Variants in CADPS2 observed in about 807,000 individuals in gnomAD.
CADPS2 encodes calcium-dependent secretion activator 2.
Under a neutral mutation model 172.5 loss-of-function variants are expected in CADPS2, and 93 were observed. The observed-to-expected ratio is 0.54, with a 90% CI of 0.46 to 0.64. The LOEUF (loss-of-function observed/expected upper bound fraction) is 0.64, where lower values mean the gene tolerates loss of function less well. Ranked by LOEUF, CADPS2 falls within the 30% of genes least tolerant of loss-of-function variation. The probability of loss-of-function intolerance (pLI) is 0.00; values close to 1 mark genes in which losing one functional copy is unlikely to be tolerated. For synonymous variants in CADPS2, 546 were observed against 555.2 expected (o/e 0.98, Z 0.23); for missense variants, 1,420 against 1,565.9 (o/e 0.91, Z 1.57).
rs372366344 is a variant in CADPS2, at chr7:122,386,712, A to G, written c.3312+314T>C. On this transcript the variant is annotated intron_variant, in intron 24 of 29. Coordinates refer to ENST00000449022, the MANE Select transcript of CADPS2 (RefSeq NM_017954.11). ...GGATACTCTAGATTTGTATAAACAA[A>G]ACAGGTAGCTTTCCAGCTTTCTCAT... 9.5e-4 allele frequency among the ~76,000 whole-genome samples: 144 copies of G among 152,206 alleles called. 2 individuals carry two copies. Among genetic ancestry groups the G allele is most frequent in the African/African-American group, 3.3e-3 (137 of 41,546 alleles).
chr7:122,695,814 T>C (rs1015194775), intron 2 of CADPS2, among the ~76,000 whole-genome samples: 1 of 152,080 alleles, frequency 6.6e-6, no homozygotes, highest in African/African-American at 2.4e-5. Context: ...AGGTCTTAGA[T>C]TGACAATGAT....
chr7:122,714,055 T>C lies in CADPS2; in HGVS notation c.453+22900A>G, dbSNP rs566178245. ...AGAAGAACATTCATGTCACCAATGA[T>C]TCAAATTTAGTTTGAGATTTAGGGA... On this transcript the variant is annotated intron_variant, in intron 2 of 29. Transcript: ENST00000449022. 2.0e-5 allele frequency among the ~76,000 whole-genome samples: 3 copies of C among 152,238 alleles called. No individual in the cohort carries two copies. The East Asian group carries it at 5.8e-4, about 29-fold the overall frequency.
intron 25 of CADPS2, chr7:122,366,720 C>CGTAT (rs2040960235): frequency 7.0e-6 from 1 of 143,838 alleles, no homozygotes; most frequent in Non-Finnish European, 1.6e-5. Flanking sequence ...TATATATACA[C>CGTAT]ACATATATGT....
At chr7:122,733,603 A>G (rs1179530175) in intron 2 of CADPS2, among the ~76,000 whole-genome samples, 1 of 152,004 alleles carries the variant, frequency 6.6e-6, no homozygotes, top group Non-Finnish European at 1.5e-5. Flanking sequence ...TTTGCTGACT[A>G]GAAGTCACAA....
intron 20 of CADPS2, among the ~76,000 whole-genome samples, chr7:122,400,296 G>T (rs980280669): frequency 1.3e-5 from 2 of 151,812 alleles, no homozygotes; most frequent in South Asian, 2.1e-4. Context: ...AATTAGCTGG[G>T]TGTGGTGGTG....
intron 1 of CADPS2, among the ~76,000 whole-genome samples, chr7:122,817,442 G>A (rs542652603): frequency 6.6e-6 from 1 of 152,074 alleles, no homozygotes; most frequent in Admixed American, 6.5e-5. Flanking sequence ...TTCATTTTCT[G>A]GGAGAGACAA....
chr7:122,679,265 T>TTGGGGGG (rs2082723704), intron 2 of CADPS2, among the ~76,000 whole-genome samples: 1 of 39,146 alleles, frequency 2.6e-5, no homozygotes, highest in Non-Finnish European at 6.0e-5. Flanking sequence ...AATGCATTCC[T>TTGGGGGG]GGGGGGGGGG....
At chr7:122,440,461 T>C (rs796250144) in intron 16 of CADPS2, 1 of 152,148 alleles carries the variant, frequency 6.6e-6, no homozygotes, top group South Asian at 2.1e-4. Flanking sequence ...AAAATTCTAA[T>C]AAAACATAAT....
At chr7:122,389,901 A>G (rs918415324) in intron 22 of CADPS2, among the ~76,000 whole-genome samples, 3 of 152,218 alleles carry the variant, frequency 2.0e-5, no homozygotes, top group African/African-American at 7.2e-5. Context: ...GTAAAATTAA[A>G]AAAAAATAAA....
chr7:122,850,011 A>T, intron 1 of CADPS2: 1 of 870,528 alleles, frequency 1.1e-6, no homozygotes, highest in East Asian at 3.3e-5. Context: ...TAGGCTGGGG[A>T]AGGAACAGAA....
rs750266787 is a variant in CADPS2 at position 122,575,453 on chromosome 7, T to C, written c.1335+5726A>G. On this transcript the variant is annotated intron_variant, in intron 7 of 29. Coordinates refer to ENST00000449022, the MANE Select transcript of CADPS2 (RefSeq NM_017954.11). ...TTTCTCTTCTTTTCCTTTTTTTTTT[T>C]TGAAATGGAGTCTAATTCTGTCACC... Among the ~76,000 whole-genome samples the C allele has an allele frequency of 2.0e-5, 3 of 152,026 alleles. No homozygotes were observed. The Middle Eastern group carries it at 0.01, about 517-fold the overall frequency.
rs185335374 is a variant in CADPS2, at chr7:122,818,745, A to C, written c.339+67254T>G. The stretch of plus-strand genomic sequence containing the variant: ...CCCTCCCCATCCTGCCCAGCAATTT[A>C]CTCTTAAAAAGGTGGCTGGAGCTAA... On this transcript the variant is annotated intron_variant, in intron 1 of 29. Transcript: ENST00000449022. Among the ~76,000 whole-genome samples the C allele has an allele frequency of 1.2e-3, 189 of 151,888 alleles. 6 individuals carry two copies. In the East Asian group the frequency reaches 0.026, roughly 21 times the overall value.
At chr7:122,721,495 G>C (rs1051651530) in intron 2 of CADPS2, among the ~76,000 whole-genome samples, 1 of 152,128 alleles carries the variant, frequency 6.6e-6, no homozygotes, top group African/African-American at 2.4e-5. Context: ...GCAGGAAGAA[G>C]TTGAATCTCT....
intron 2 of CADPS2, among the ~76,000 whole-genome samples, chr7:122,692,709 C>A (rs1001763629): frequency 6.6e-6 from 1 of 152,236 alleles, no homozygotes; most frequent in African/African-American, 2.4e-5. Context: ...CAGGGTCCAG[C>A]CCCTGCTGAG....
chr7:122,622,685 T>C (rs929465041), intron 4 of CADPS2, among the ~76,000 whole-genome samples: 1 of 152,114 alleles, frequency 6.6e-6, no homozygotes, highest in African/African-American at 2.4e-5. Flanking sequence ...TTTACAACAT[T>C]AAGCCTAGTT....
chr7:122,780,849 A>G (rs1225111703), intron 1 of CADPS2, among the ~76,000 whole-genome samples: 2 of 151,984 alleles, frequency 1.3e-5, no homozygotes, highest in Admixed American at 6.6e-5. Context: ...ATTCCCTCTG[A>G]CAGCGTTTAT....
At chr7:122,637,171 CTTT>C (rs71161313) in intron 3 of CADPS2, among the ~76,000 whole-genome samples, 33 of 53,886 alleles carry the variant, frequency 6.1e-4, no homozygotes, top group Non-Finnish European at 8.8e-4. Context: ...TGAAATTTTG[CTTT>C]TTTTTTTTTT....
At chr7:122,761,578 C>A (rs770294571) in intron 1 of CADPS2, among the ~76,000 whole-genome samples, 1 of 151,888 alleles carries the variant, frequency 6.6e-6, no homozygotes. Context: ...AAGAATCAGA[C>A]CAGCAGGACG....
intron 15 of CADPS2, among the ~76,000 whole-genome samples, chr7:122,448,437 C>T (rs2052592316): frequency 6.6e-6 from 1 of 152,094 alleles, no homozygotes; most frequent in African/African-American, 2.4e-5. Flanking sequence ...AGAACCAAAT[C>T]ATATCAGGAT....
Sources: allele counts gnomAD v4.1 joint callset (sites outside exome capture counted in the v4.1 genomes callset), GRCh38; gene constraint gnomAD v4.1.1; transcripts MANE v1.5; gene names NCBI Gene and HGNC (gene_info 2026-07-23, HGNC 2026-07-21).